CNTN5: variants seen among roughly 807,000 people sequenced by gnomAD.
CNTN5 encodes the protein contactin 5, also known as contactin-5.
In CNTN5, 77 loss-of-function variants were observed where a neutral mutation model predicts 129.1. The ratio of observed to expected loss-of-function variants is 0.60; its 90% CI spans 0.50 to 0.72. CNTN5 has a LOEUF of 0.72. CNTN5 is among the 30% of genes least tolerant of loss of function. The pLI is 0.00. For missense variants in CNTN5, 1,478 were observed against 1,328.8 expected (o/e 1.11, Z -1.75); for synonymous variants, 509 against 465.6 (o/e 1.09, Z -1.20).
At chr11:99,130,221 C>G (rs1205908862) in intron 1 of CNTN5, among the ~76,000 whole-genome samples, 1 of 152,136 alleles carries the variant, frequency 6.6e-6, no homozygotes, top group African/African-American at 2.4e-5. Context: ...AGAGACACAT[C>G]TCATGTGCAG....
chr11:100,086,609 A>G (rs1944568024), intron 13 of CNTN5, among the ~76,000 whole-genome samples: 1 of 151,372 alleles, frequency 6.6e-6, no homozygotes, highest in Admixed American at 6.6e-5. Flanking sequence ...TAATTCAGAA[A>G]AACCAAATAT....
At chr11:99,085,848 A>AT (rs1450463044) in intron 1 of CNTN5, among the ~76,000 whole-genome samples, 6 of 152,126 alleles carry the variant, frequency 3.9e-5, no homozygotes, top group African/African-American at 1.4e-4. Flanking sequence ...TCCTAGTGAC[A>AT]TTTTAGCTAT....
chr11:99,571,520 A>G (rs1220528481), intron 3 of CNTN5, among the ~76,000 whole-genome samples: 1 of 152,204 alleles, frequency 6.6e-6, no homozygotes, highest in African/African-American at 2.4e-5. Context: ...GAGAATTGAA[A>G]TGGAATGACT....
At chr11:99,404,762 C>A (rs1405572817) in intron 2 of CNTN5, among the ~76,000 whole-genome samples, 2 of 152,060 alleles carry the variant, frequency 1.3e-5, no homozygotes, top group Non-Finnish European at 2.9e-5. Context: ...ACCACAGTTA[C>A]AATGTCATAG....
chr11:100,172,214 C>T (rs1220651581), intron 13 of CNTN5, among the ~76,000 whole-genome samples: 2 of 152,062 alleles, frequency 1.3e-5, no homozygotes, highest in South Asian at 2.1e-4. Flanking sequence ...CTTTCACTCC[C>T]TGCCACCCAA....
At chr11:99,869,590 T>C (rs1477773950) in intron 6 of CNTN5, among the ~76,000 whole-genome samples, 2 of 152,176 alleles carry the variant, frequency 1.3e-5, no homozygotes, top group Admixed American at 6.6e-5. Context: ...ACTTCCGCTG[T>C]ATATTGTAAA....
intron 1 of CNTN5, among the ~76,000 whole-genome samples, chr11:99,171,403 T>C (rs2135541007): frequency 6.6e-6 from 1 of 152,354 alleles, no homozygotes; most frequent in South Asian, 2.1e-4. Context: ...TTTTCTGTCT[T>C]TCGTACTGTC....
At chr11:99,853,937 C>T (rs567238278) in intron 6 of CNTN5, among the ~76,000 whole-genome samples, 1 of 152,222 alleles carries the variant, frequency 6.6e-6, no homozygotes, top group African/African-American at 2.4e-5. Context: ...ATCAAACTTC[C>T]TACTTAAAAT....
chr11:99,925,750 T>A, intron 7 of CNTN5, among the ~76,000 whole-genome samples: 1 of 152,124 alleles, frequency 6.6e-6, no homozygotes, highest in African/African-American at 2.4e-5. Context: ...TAAATACTTC[T>A]TCTTCAACCT....
chr11:100,035,831 A>T (rs911556770), intron 9 of CNTN5, among the ~76,000 whole-genome samples: 10 of 151,668 alleles, frequency 6.6e-5, no homozygotes, highest in African/African-American at 2.2e-4. Flanking sequence ...TTTTTCTTGT[A>T]AATTTGTTTG....
intron 13 of CNTN5, among the ~76,000 whole-genome samples, chr11:100,127,150 A>C (rs2138190772): frequency 7.6e-6 from 1 of 130,886 alleles, no homozygotes; most frequent in East Asian, 2.3e-4. Flanking sequence ...ATGCTGCCCG[A>C]GCTGGTCTCA....
chr11:99,068,347 T>C (rs11218288), intron 1 of CNTN5, among the ~76,000 whole-genome samples: 21,366 of 152,204 alleles, frequency 0.14, 1,559 homozygotes, highest in Non-Finnish European at 0.17. Context: ...GAGTATTTAA[T>C]TCCTCCCTGT....
At chr11:99,145,959 T>C (rs1380831645) in intron 1 of CNTN5, among the ~76,000 whole-genome samples, 1 of 152,058 alleles carries the variant, frequency 6.6e-6, no homozygotes, top group Non-Finnish European at 1.5e-5. Flanking sequence ...TTTTTAGTGG[T>C]GGTAGATTTA....
chr11:99,399,058 C>T (rs1194072778), intron 2 of CNTN5, among the ~76,000 whole-genome samples: 2 of 151,492 alleles, frequency 1.3e-5, no homozygotes, highest in South Asian at 4.2e-4. Context: ...ACAGAAAAAC[C>T]ATATCACTCT....
intron 3 of CNTN5, among the ~76,000 whole-genome samples, chr11:99,601,775 C>T (rs1039745179): frequency 6.6e-6 from 1 of 152,164 alleles, no homozygotes; most frequent in African/African-American, 2.4e-5. Context: ...TCTGTGCTGC[C>T]TGCTTTCTGA....
intron 3 of CNTN5, among the ~76,000 whole-genome samples, chr11:99,758,485 C>T (rs971650814): frequency 1.3e-5 from 2 of 151,794 alleles, no homozygotes; most frequent in Admixed American, 6.6e-5. Flanking sequence ...TAAAATGGGC[C>T]AGGCAGTACA....
chr11:100,088,958 C>A (rs1944653703), intron 13 of CNTN5, among the ~76,000 whole-genome samples: 2 of 151,888 alleles, frequency 1.3e-5, no homozygotes, highest in South Asian at 4.2e-4. Flanking sequence ...GCCAATATCC[C>A]CAATTAAAAA....
intron 1 of CNTN5, among the ~76,000 whole-genome samples, chr11:99,118,213 A>T (rs959182153): frequency 6.6e-6 from 1 of 152,178 alleles, no homozygotes; most frequent in Non-Finnish European, 1.5e-5. Flanking sequence ...AATATGTGAG[A>T]GTACCACACG....
chr11:99,903,060 A>C (rs1035288881), intron 6 of CNTN5, among the ~76,000 whole-genome samples: 1 of 152,134 alleles, frequency 6.6e-6, no homozygotes, highest in African/African-American at 2.4e-5. Context: ...TAAGAGAAAA[A>C]ATGCAAATCT....
Sources: allele counts gnomAD v4.1 joint callset (sites outside exome capture counted in the v4.1 genomes callset), GRCh38; gene constraint gnomAD v4.1.1; transcripts MANE v1.5; gene names NCBI Gene and HGNC (gene_info 2026-07-23, HGNC 2026-07-21).